PEAK1: variants seen among roughly 807,000 people sequenced by gnomAD.
PEAK1 encodes pseudopodium enriched atypical kinase 1.
A neutral mutation model predicts 124.7 loss-of-function variants in PEAK1; 54 were observed. That is an observed-to-expected ratio of 0.43 (90% CI 0.35 to 0.54). The LOEUF (loss-of-function observed/expected upper bound fraction) is 0.54, where lower values mean the gene tolerates loss of function less well. Among genes scored for constraint, PEAK1 ranks in the 20% least tolerant of loss-of-function variants. The probability of loss-of-function intolerance (pLI) is 0.01; values close to 1 mark genes in which losing one functional copy is unlikely to be tolerated. For missense variants in PEAK1, 2,046 were observed against 2,134.5 expected (o/e 0.96, Z 0.82); for synonymous variants, 719 against 760.0 (o/e 0.95, Z 0.89).
chr15:77,259,554 G>A (rs1567178433), intron 5 of PEAK1, among the ~76,000 whole-genome samples: 1 of 152,110 alleles, frequency 6.6e-6, no homozygotes, highest in Non-Finnish European at 1.5e-5. Flanking sequence ...ACAATTTCTT[G>A]GGAGCTTCTG....
At chr15:77,197,508 A>T (rs763829626) in intron 6 of PEAK1, among the ~76,000 whole-genome samples, 18 of 152,170 alleles carry the variant, frequency 1.2e-4, no homozygotes, top group Non-Finnish European at 2.2e-4. Context: ...TGGTCTAATA[A>T]TTTTTGATAG....
chr15:77,330,836 G>A (rs2065849589), intron 2 of PEAK1: 1 of 161,356 alleles, frequency 6.2e-6, no homozygotes, highest in African/African-American at 2.4e-5. Context: ...TTTGTTCACT[G>A]TTCTCTCTCT....
chr15:77,350,387 T>G, intron 2 of PEAK1: 1 of 985,390 alleles, frequency 1.0e-6, no homozygotes, highest in Non-Finnish European at 1.2e-6. Flanking sequence ...ACTTCATTTG[T>G]GCTCAGCAAG....
At chr15:77,378,689 T>C (rs901198115) in intron 1 of PEAK1, among the ~76,000 whole-genome samples, 2 of 152,184 alleles carry the variant, frequency 1.3e-5, no homozygotes, top group Non-Finnish European at 2.9e-5. Context: ...TCAATTCTCT[T>C]TGGCTTCAGA....
chr15:77,339,685 C>A (rs967455778), intron 2 of PEAK1, among the ~76,000 whole-genome samples: 1 of 152,032 alleles, frequency 6.6e-6, no homozygotes, highest in Non-Finnish European at 1.5e-5. Context: ...AACTTCTGCT[C>A]TGAAAAAGAC....
At chr15:77,404,783 A>G (rs2071671958) in intron 1 of PEAK1, 1 of 971,032 alleles carries the variant, frequency 1.0e-6, no homozygotes, top group Non-Finnish European at 1.2e-6. Context: ...AGGTTATCAG[A>G]TTATTAAAGG....
At chr15:77,129,183 G>A (rs1332589621) in intron 9 of PEAK1, among the ~76,000 whole-genome samples, 1 of 152,232 alleles carries the variant, frequency 6.6e-6, no homozygotes, top group Non-Finnish European at 1.5e-5. Context: ...GACACAAAGA[G>A]AAGGTGGCTG....
chr15:77,313,726 G>GTGTGTGTATATATATA (rs1462211130), intron 2 of PEAK1, among the ~76,000 whole-genome samples: 1 of 108,562 alleles, frequency 9.2e-6, no homozygotes, highest in African/African-American at 3.4e-5. Context: ...GTGTGTGTGT[G>GTGTGTGTATATATATA]TATATATATA....
rs2053014755 is a variant in PEAK1 at position 77,133,063 on chromosome 15, T to A, written c.4019A>T (p.Asp1340Val). The change falls in exon 9 of 10, where the codon GAT (aspartate) becomes GTT (valine). Residue 1340 changes from aspartate to valine, a missense_variant. Asp to Val is a radical substitution (Grantham distance 152, BLOSUM62 -3). Transcript: ENST00000682557. The surrounding 1 kb of genome is among the most constrained non-coding windows in gnomAD (Gnocchi z 4.2). ...TSDKPCCEAG[D>V]AVYYTASYAK... ...ATATGAAGCAGTATAGTAAACCGCA[T>A]CACCTGCCTCACAACATGGTTTGTC... 3 of 1,614,180 alleles carry A rather than the reference T, an allele frequency of 1.9e-6. No homozygotes were observed. Among genetic ancestry groups the A allele is most frequent in the Non-Finnish European group, 2.5e-6 (3 of 1,180,022 alleles).
intron 9 of PEAK1, among the ~76,000 whole-genome samples, chr15:77,129,461 A>G (rs915609924): frequency 8.1e-6 from 1 of 122,738 alleles, no homozygotes; most frequent in African/African-American, 3.2e-5. Flanking sequence ...TTTTTTTTTG[A>G]TATGTTGTCC....
At chr15:77,408,502 A>G (rs1196448730) in intron 1 of PEAK1, among the ~76,000 whole-genome samples, 1 of 151,972 alleles carries the variant, frequency 6.6e-6, no homozygotes, top group Non-Finnish European at 1.5e-5. Flanking sequence ...TGTGTAACCA[A>G]CCACCACCTG....
At chr15:77,326,006 T>C (rs534552658) in intron 2 of PEAK1, among the ~76,000 whole-genome samples, 1 of 152,240 alleles carries the variant, frequency 6.6e-6, no homozygotes, top group South Asian at 2.1e-4. Context: ...CTCTAACTTC[T>C]ATGATTTAGA....
intron 6 of PEAK1, among the ~76,000 whole-genome samples, chr15:77,246,794 C>T (rs780345356): frequency 2.0e-5 from 3 of 151,954 alleles, no homozygotes; most frequent in Non-Finnish European, 2.9e-5. Context: ...CCGAGGTGGG[C>T]GGATCACGAG....
Position 77,181,856 on chromosome 15 carries a change from T to A in PEAK1, c.71A>T (p.Lys24Ile). The change falls in exon 7 of 10, where the codon AAA becomes ATA. Residue 24 changes from lysine (K) to isoleucine (I), a missense_variant. Lys to Ile is a moderately radical substitution (Grantham distance 102, BLOSUM62 -3). Transcript: ENST00000682557. ...GTCTGGGGGAAGCTGGTGCAAACTT[T>A]TAGGTTTAAAGCAATTCTTGCATTC... Reference protein sequence around the residue: ...PGECKNCFKPKSLHQLPPDPE... With the variant: ...PGECKNCFKPISLHQLPPDPE... 6.2e-7 allele frequency: 1 copy of A among 1,612,746 alleles called. No individual in the cohort carries two copies. Among genetic ancestry groups the A allele is most frequent in the Middle Eastern group, 1.7e-4 (1 of 6,046 alleles).
chr15:77,238,220 A>G (rs1255024518), intron 6 of PEAK1, among the ~76,000 whole-genome samples: 6 of 152,160 alleles, frequency 3.9e-5, no homozygotes, highest in Non-Finnish European at 5.9e-5. Flanking sequence ...TCTTAAGTAC[A>G]AAATTATTTT....
At chr15:77,142,048 GAC>G (rs1056247423) in intron 8 of PEAK1, among the ~76,000 whole-genome samples, 1 of 152,066 alleles carries the variant, frequency 6.6e-6, no homozygotes, top group African/African-American at 2.4e-5. Flanking sequence ...AAGTAAAAAA[GAC>G]AACTCACAGA....
chr15:77,215,268 A>G (rs1170398220), intron 6 of PEAK1, among the ~76,000 whole-genome samples: 1 of 152,172 alleles, frequency 6.6e-6, no homozygotes, highest in African/African-American at 2.4e-5. Flanking sequence ...GTAAAACTTC[A>G]TGTATTCTAG....
intron 2 of PEAK1, chr15:77,331,034 C>T (rs1597326134): frequency 2.2e-6 from 2 of 891,654 alleles, no homozygotes; most frequent in East Asian, 1.2e-4. Flanking sequence ...TTGTCATTTA[C>T]TATTAGCATT....
At chr15:77,337,939 GA>G in intron 2 of PEAK1, 1 of 984,144 alleles carries the variant, frequency 1.0e-6, no homozygotes, top group African/African-American at 1.7e-5. Flanking sequence ...GGTGCTGATA[GA>G]AAAAAATAAT....
Sources: gnomAD v4.1 joint callset for allele counts (sites outside exome capture counted in the v4.1 genomes callset) on GRCh38, gnomAD v4.1.1 for gene constraint, Gnocchi (gnomAD v3.1) non-coding constraint, MANE v1.5 for transcripts, NCBI Gene and HGNC (gene_info 2026-07-23, HGNC 2026-07-21) for gene names.